The following GALNT13 variants were observed in gnomAD, a reference collection of about 807,000 sequenced individuals.
GALNT13 encodes the protein UDP-GalNAc:polypeptide N-acetylgalactosaminyltransferase 13.
In GALNT13, 28 loss-of-function variants were observed where a neutral mutation model predicts 64.2. The observed-to-expected ratio is 0.44, with a 90% CI of 0.32 to 0.60. The LOEUF is 0.60. GALNT13 is among the 20% of genes least tolerant of loss of function. The probability of loss-of-function intolerance (pLI) is 0.05; values close to 1 mark genes in which losing one functional copy is unlikely to be tolerated. For missense variants in GALNT13, 577 were observed against 669.8 expected, an observed-to-expected ratio of 0.86 and a Z score of 1.53; for synonymous variants, 214 against 224.6, an observed-to-expected ratio of 0.95 and a Z score of 0.42.
intron 9 of GALNT13, among the ~76,000 whole-genome samples, chr2:154,342,794 C>T (rs550838929): frequency 6.6e-6 from 1 of 150,850 alleles, no homozygotes; most frequent in Non-Finnish European, 1.5e-5. Context: ...TCTATATGTA[C>T]AGTAAAGTGT....
intron 3 of GALNT13, among the ~76,000 whole-genome samples, chr2:154,119,394 T>G (rs573362196): frequency 7.9e-5 from 12 of 152,302 alleles, no homozygotes; most frequent in Admixed American, 7.8e-4. Context: ...GATTATTATG[T>G]ATCTTGTTGT....
At chr2:154,382,802 A>T (rs1387460342) in intron 9 of GALNT13, among the ~76,000 whole-genome samples, 12 of 151,094 alleles carry the variant, frequency 7.9e-5, no homozygotes, top group African/African-American at 2.4e-4. Flanking sequence ...TTTTTTTTAA[A>T]TATAAGTTTC....
intron 4 of GALNT13, among the ~76,000 whole-genome samples, chr2:154,226,987 C>T (rs1413158788): frequency 5.9e-5 from 9 of 152,068 alleles, no homozygotes; most frequent in South Asian, 2.1e-4. Context: ...TGCAGAGAGA[C>T]GCTCCTCATT....
chr2:153,974,080 G>A (rs1693917057), intron 3 of GALNT13, among the ~76,000 whole-genome samples: 1 of 151,992 alleles, frequency 6.6e-6, no homozygotes, highest in Non-Finnish European at 1.5e-5. Flanking sequence ...TTGCTGCCTT[G>A]ATGTTCTTCC....
chr2:153,235,460 G>A, the GALNT13 span, among the ~76,000 whole-genome samples: 1 of 152,128 alleles, frequency 6.6e-6, no homozygotes, highest in African/African-American at 2.4e-5. Context: ...AAGAAGTGCT[G>A]CTATTAAGCA....
chr2:153,446,516 C>T, the GALNT13 span, among the ~76,000 whole-genome samples: 1 of 152,170 alleles, frequency 6.6e-6, no homozygotes, highest in East Asian at 1.9e-4. Context: ...ACACTCTTAA[C>T]TACTGAAGTA....
the GALNT13 span, among the ~76,000 whole-genome samples, chr2:153,828,219 G>A: frequency 6.6e-6 from 1 of 152,234 alleles, no homozygotes; most frequent in Non-Finnish European, 1.5e-5. Flanking sequence ...GAATGGCGAT[G>A]GGCCTCTTCT....
At chr2:153,736,685 G>T in the GALNT13 span, among the ~76,000 whole-genome samples, 1 of 151,674 alleles carries the variant, frequency 6.6e-6, no homozygotes, top group African/African-American at 2.4e-5. Context: ...AAAACTTTAG[G>T]TTCACACTGA....
At chr2:154,315,611 C>T (rs78557801) in intron 9 of GALNT13, among the ~76,000 whole-genome samples, 3,472 of 152,242 alleles carry the variant, frequency 0.023, 118 homozygotes, top group African/African-American at 0.073. Context: ...TTCGTTAACA[C>T]ATCCTCAGTG....
At chr2:154,095,566 T>A (rs777993393) in intron 3 of GALNT13, among the ~76,000 whole-genome samples, 4 of 151,954 alleles carry the variant, frequency 2.6e-5, no homozygotes, top group Admixed American at 6.6e-5. Flanking sequence ...TTAACTATTT[T>A]TTTAATTATG....
chr2:153,378,656 C>T, the GALNT13 span, among the ~76,000 whole-genome samples: 11 of 152,070 alleles, frequency 7.2e-5, no homozygotes, highest in East Asian at 1.9e-4. Context: ...AATGTATTTT[C>T]CTACTGGTGA....
the GALNT13 span, among the ~76,000 whole-genome samples, chr2:153,169,434 T>G: frequency 6.6e-6 from 1 of 152,250 alleles, no homozygotes; most frequent in South Asian, 2.1e-4. Flanking sequence ...TGAAATAAGA[T>G]GAAGAATCTG....
intron 4 of GALNT13, among the ~76,000 whole-genome samples, chr2:154,189,733 T>C (rs2105751705): frequency 6.6e-6 from 1 of 152,172 alleles, no homozygotes; most frequent in Middle Eastern, 3.4e-3. Context: ...TCAGCTTCCA[T>C]CCCAATAAAT....
At chr2:153,107,362 A>C in the GALNT13 span, among the ~76,000 whole-genome samples, 1 of 152,186 alleles carries the variant, frequency 6.6e-6, no homozygotes, top group South Asian at 2.1e-4. Context: ...GATGTATGTT[A>C]AAATGTGTGT....
At chr2:153,689,558 T>G in the GALNT13 span, among the ~76,000 whole-genome samples, 1 of 152,088 alleles carries the variant, frequency 6.6e-6, no homozygotes, top group Non-Finnish European at 1.5e-5. Context: ...TATTTCACAT[T>G]TTGTTCTTCA....
chr2:153,303,845 A>T, the GALNT13 span, among the ~76,000 whole-genome samples: 94 of 152,240 alleles, frequency 6.2e-4, no homozygotes, highest in Middle Eastern at 6.8e-3. Context: ...CACCCCTGAG[A>T]CTAGATACCC....
the GALNT13 span, among the ~76,000 whole-genome samples, chr2:153,735,994 C>T: frequency 6.6e-6 from 1 of 152,158 alleles, no homozygotes; most frequent in Non-Finnish European, 1.5e-5. Context: ...TGAAAGGGTA[C>T]TTTGAAACTA....
At chr2:154,225,869 A>AT (rs1445007589) in intron 4 of GALNT13, among the ~76,000 whole-genome samples, 1 of 152,058 alleles carries the variant, frequency 6.6e-6, no homozygotes, top group East Asian at 1.9e-4. Flanking sequence ...GTCTGTCTAG[A>AT]TTTTTACCTC....
At chr2:153,731,911 G>A in the GALNT13 span, among the ~76,000 whole-genome samples, 91 of 151,950 alleles carry the variant, frequency 6.0e-4, no homozygotes, top group Middle Eastern at 3.4e-3. Context: ...AAAGTAACGG[G>A]TTCTACTGTG....
Sources: gnomAD v4.1 joint callset for allele counts (sites outside exome capture counted in the v4.1 genomes callset) on GRCh38, gnomAD v4.1.1 for gene constraint, MANE v1.5 for transcripts, NCBI Gene and HGNC (gene_info 2026-07-23, HGNC 2026-07-21) for gene names.